The following SLX4IP variants were observed in gnomAD, a reference collection of about 807,000 sequenced individuals.
SLX4IP encodes protein SLX4IP.
SLX4IP carries 34 observed loss-of-function variants against 32.9 expected under a neutral mutation model. The observed-to-expected ratio is 1.03, with a 90% confidence interval of 0.79 to 1.38. The LOEUF (loss-of-function observed/expected upper bound fraction) is 1.38. Among genes scored for constraint, SLX4IP ranks in the 40% most tolerant of loss-of-function variants. SLX4IP has a pLI of 0.00. For missense variants in SLX4IP, 444 were observed against 479.0 expected (o/e 0.93, Z 0.68); for synonymous variants, 172 against 171.7 (o/e 1.00, Z -0.01).
At chr20:10,446,646 TTTTA>T (rs1171155010) in intron 1 of SLX4IP, among the ~76,000 whole-genome samples, 1 of 152,192 alleles carries the variant, frequency 6.6e-6, no homozygotes, top group Non-Finnish European at 1.5e-5. Context: ...TGTTATTGTT[TTTTA>T]TTTGTCTTTC....
chr20:10,556,939 G>A (rs1459368395), intron 3 of SLX4IP, among the ~76,000 whole-genome samples: 3 of 152,150 alleles, frequency 2.0e-5, no homozygotes, highest in South Asian at 2.1e-4. Flanking sequence ...TTCACTCCTG[G>A]TTCTAAGTTT....
At chr20:10,579,854 G>A (rs1056769514) in intron 4 of SLX4IP, among the ~76,000 whole-genome samples, 1 of 151,886 alleles carries the variant, frequency 6.6e-6, no homozygotes, top group East Asian at 1.9e-4. Context: ...TTCCCAGCAG[G>A]GTCAAAGCTG....
At chr20:10,534,928 G>T (rs1002121828) in intron 2 of SLX4IP, among the ~76,000 whole-genome samples, 4 of 152,204 alleles carry the variant, frequency 2.6e-5, no homozygotes, top group African/African-American at 9.6e-5. Flanking sequence ...GGCGTAAAAT[G>T]CAACTGACTT....
intron 4 of SLX4IP, among the ~76,000 whole-genome samples, chr20:10,570,523 CTCTT>C (rs2066449925): frequency 6.6e-6 from 1 of 151,924 alleles, no homozygotes; most frequent in African/African-American, 2.4e-5. Flanking sequence ...CACACATACA[CTCTT>C]TTTTTTTTTT....
intron 2 of SLX4IP, among the ~76,000 whole-genome samples, chr20:10,493,035 C>T (rs1323372763): frequency 2.6e-5 from 4 of 152,048 alleles, no homozygotes; most frequent in African/African-American, 9.7e-5. Context: ...AACTCCTGGC[C>T]TCAAGCAGTC....
intron 4 of SLX4IP, among the ~76,000 whole-genome samples, chr20:10,594,475 C>G (rs1000940645): frequency 6.6e-6 from 1 of 152,186 alleles, no homozygotes; most frequent in Non-Finnish European, 1.5e-5. Flanking sequence ...CCCACTGTTA[C>G]GCACCAGACC....
chr20:10,560,845 G>C, intron 4 of SLX4IP, 25 bp downstream of exon 4: 1 of 1,539,148 alleles, frequency 6.5e-7, no homozygotes, highest in South Asian at 1.3e-5. Flanking sequence ...CTTTGATTTT[G>C]GACAAAAAAT....
chr20:10,474,624 G>A lies in SLX4IP; in HGVS notation c.27+16393G>A, dbSNP rs140652969. ...GATCATGGTTAACCCCAGAAGGAAGGCCAGATGGGCCTTGGGGGCCTGGGC... is the reference window on the plus strand; with the variant it reads ...GATCATGGTTAACCCCAGAAGGAAGACCAGATGGGCCTTGGGGGCCTGGGC... On this transcript the variant is annotated intron_variant, in intron 2 of 7. Coordinates refer to ENST00000334534, the MANE Select transcript of SLX4IP (RefSeq NM_001009608.3). 2.7e-3 allele frequency among the ~76,000 whole-genome samples: 414 copies of A among 152,268 alleles called. 1 individual carries two copies. The highest frequency in any genetic ancestry group is 9.6e-3 in the African/African-American group (401 of 41,556).
chr20:10,504,999 A>G (rs983623113), intron 2 of SLX4IP, among the ~76,000 whole-genome samples: 22 of 152,240 alleles, frequency 1.4e-4, no homozygotes, highest in Non-Finnish European at 2.8e-4. Context: ...TCACTTATTC[A>G]GTCAACTGAG....
At position 10,474,080 on chromosome 20, in the gene SLX4IP, T is replaced by C. The variant is rs6133945; in HGVS notation, c.27+15849T>C. ...TCAGATGACCCACCTGCCTCAGCAT[T>C]CCAAAGTGCTGGGATTACAGGCGTG... On this transcript the variant is annotated intron_variant, in intron 2 of 7. Transcript: ENST00000334534. Among the ~76,000 whole-genome samples, 15 of 152,146 alleles carry C rather than the reference T, an allele frequency of 9.9e-5. No individual in the cohort carries two copies. In the East Asian group the frequency reaches 2.3e-3, roughly 24 times the overall value.
intron 6 of SLX4IP, among the ~76,000 whole-genome samples, chr20:10,615,982 G>A (rs1352847102): frequency 6.6e-6 from 1 of 152,054 alleles, no homozygotes; most frequent in African/African-American, 2.4e-5. Context: ...CATCACATTG[G>A]CAGCACCTGA....
At chr20:10,500,083 A>G (rs2065702738) in intron 2 of SLX4IP, among the ~76,000 whole-genome samples, 1 of 150,404 alleles carries the variant, frequency 6.6e-6, no homozygotes, top group South Asian at 2.1e-4. Context: ...CTCTGGGTTT[A>G]GATAGATGGG....
At chr20:10,588,330 T>A (rs1306130150) in intron 4 of SLX4IP, among the ~76,000 whole-genome samples, 3 of 152,182 alleles carry the variant, frequency 2.0e-5, no homozygotes, top group Non-Finnish European at 2.9e-5. Context: ...CCTGTTAGAA[T>A]GGCTGTTATA....
chr20:10,456,559 C>G (rs1453105755), intron 1 of SLX4IP, among the ~76,000 whole-genome samples: 1 of 152,050 alleles, frequency 6.6e-6, no homozygotes, highest in African/African-American at 2.4e-5. Context: ...CCAGGCTGGT[C>G]TCGAACTCCT....
chr20:10,618,052 C>G (rs1281447650), intron 6 of SLX4IP, among the ~76,000 whole-genome samples: 3 of 152,218 alleles, frequency 2.0e-5, no homozygotes, highest in Non-Finnish European at 4.4e-5. Context: ...CCTTTCTATC[C>G]TGGAATTTAA....
intron 2 of SLX4IP, among the ~76,000 whole-genome samples, chr20:10,535,843 G>A (rs1049992159): frequency 3.3e-5 from 5 of 152,170 alleles, no homozygotes; most frequent in South Asian, 2.1e-4. Context: ...AGATGAATGT[G>A]TTTAAAAAGC....
chr20:10,598,601 C>A, intron 4 of SLX4IP, 74 bp from the exon 5 acceptor site: 2 of 1,305,984 alleles, frequency 1.5e-6, no homozygotes, highest in Non-Finnish European at 2.2e-6. Context: ...TCTTTTATGG[C>A]AGGCACTGGG....
chr20:10,576,451 A>G (rs1415499636), intron 4 of SLX4IP, among the ~76,000 whole-genome samples: 1 of 152,220 alleles, frequency 6.6e-6, no homozygotes, highest in East Asian at 1.9e-4. Context: ...TATTACTTAG[A>G]GCATAAACTC....
chr20:10,492,807 A>G (rs907405550), intron 2 of SLX4IP, among the ~76,000 whole-genome samples: 8 of 152,182 alleles, frequency 5.3e-5, no homozygotes, highest in African/African-American at 1.4e-4. Flanking sequence ...TTACTTCCCA[A>G]TGGATAATTA....
Sources: gnomAD v4.1 joint callset for allele counts (sites outside exome capture counted in the v4.1 genomes callset) on GRCh38, gnomAD v4.1.1 for gene constraint, MANE v1.5 for transcripts, NCBI Gene and HGNC (gene_info 2026-07-23, HGNC 2026-07-21) for gene names.